MACROD2: variants seen among roughly 807,000 people sequenced by gnomAD.
The protein encoded by MACROD2 is ADP-ribose glycohydrolase MACROD2.
A neutral mutation model predicts 70.4 loss-of-function variants in MACROD2; 36 were observed. That is an observed-to-expected ratio of 0.51 (90% CI 0.39 to 0.68). The LOEUF (loss-of-function observed/expected upper bound fraction) is 0.68, where lower values mean the gene tolerates loss of function less well. Ranked by LOEUF, MACROD2 falls within the 30% of genes least tolerant of loss-of-function variation. The probability of loss-of-function intolerance (pLI) is 0.00; values close to 1 mark genes in which losing one functional copy is unlikely to be tolerated. For missense variants in MACROD2, 496 were observed against 538.4 expected, an observed-to-expected ratio of 0.92 and a Z score of 0.78; for synonymous variants, 172 against 178.8, an observed-to-expected ratio of 0.96 and a Z score of 0.30.
intron 8 of MACROD2, among the ~76,000 whole-genome samples, chr20:15,720,804 A>AT (rs1267403420): frequency 6.6e-6 from 1 of 152,216 alleles, no homozygotes; most frequent in Non-Finnish European, 1.5e-5. Flanking sequence ...TGATTAAGAC[A>AT]TATAAAGCCA....
chr20:15,163,479 C>G (rs907701141), intron 5 of MACROD2, among the ~76,000 whole-genome samples: 1 of 151,926 alleles, frequency 6.6e-6, no homozygotes, highest in Non-Finnish European at 1.5e-5. Context: ...AAATCTAATA[C>G]AACAAATTAG....
At chr20:14,251,578 C>T (rs2082012692) in intron 3 of MACROD2, among the ~76,000 whole-genome samples, 2 of 152,010 alleles carry the variant, frequency 1.3e-5, no homozygotes, top group Non-Finnish European at 2.9e-5. Flanking sequence ...AGCGAAAACT[C>T]ATTAAGGATT....
chr20:14,468,495 G>A (rs1201603784), intron 3 of MACROD2, among the ~76,000 whole-genome samples: 1 of 107,142 alleles, frequency 9.3e-6, no homozygotes, highest in South Asian at 3.2e-4. Context: ...CCTTTATTTT[G>A]AGCCTCTGTG....
intron 2 of MACROD2, among the ~76,000 whole-genome samples, chr20:14,042,746 C>A (rs373094552): frequency 6.6e-6 from 1 of 152,022 alleles, no homozygotes; most frequent in African/African-American, 2.4e-5. Flanking sequence ...GTGATCTGCC[C>A]GCCTTGGCCT....
At chr20:14,051,689 GA>G (rs936759958) in intron 2 of MACROD2, 1 of 347,768 alleles carries the variant, frequency 2.9e-6, no homozygotes, top group Non-Finnish European at 5.6e-6. Context: ...ATGGTAAAGA[GA>G]AAAAACAAAG....
intron 8 of MACROD2, among the ~76,000 whole-genome samples, chr20:15,850,526 A>T (rs763220097): frequency 7.2e-5 from 11 of 152,352 alleles, no homozygotes; most frequent in Non-Finnish European, 1.3e-4. Context: ...GGGCCCGCTT[A>T]TCTTTTATGG....
At chr20:15,536,968 C>G (rs189663615) in intron 8 of MACROD2, among the ~76,000 whole-genome samples, 1 of 152,232 alleles carries the variant, frequency 6.6e-6, no homozygotes, top group East Asian at 1.9e-4. Flanking sequence ...ACCCCTTGCC[C>G]TCTGAGTTCT....
chr20:15,422,617 T>C (rs2046245010), intron 6 of MACROD2, among the ~76,000 whole-genome samples: 1 of 152,184 alleles, frequency 6.6e-6, no homozygotes, highest in Non-Finnish European at 1.5e-5. Context: ...GCTCAGCACA[T>C]TTCGGTAATT....
At chr20:14,520,412 A>T (rs1217700945) in intron 4 of MACROD2, among the ~76,000 whole-genome samples, 1 of 152,044 alleles carries the variant, frequency 6.6e-6, no homozygotes, top group Non-Finnish European at 1.5e-5. Context: ...TTTGATGCTT[A>T]TCCTTGAGTA....
chr20:14,830,675 G>A (rs2072954285), intron 5 of MACROD2, among the ~76,000 whole-genome samples: 1 of 152,134 alleles, frequency 6.6e-6, no homozygotes, highest in South Asian at 2.1e-4. Flanking sequence ...ACTGAAACAA[G>A]GGTGCGGTTA....
At chr20:15,045,159 A>G (rs1438342882) in intron 5 of MACROD2, among the ~76,000 whole-genome samples, 3 of 152,172 alleles carry the variant, frequency 2.0e-5, no homozygotes, top group Non-Finnish European at 4.4e-5. Context: ...AGAAATGGGG[A>G]TGAATTGTCT....
intron 5 of MACROD2, among the ~76,000 whole-genome samples, chr20:15,223,932 C>G (rs77956156): frequency 0.091 from 13,786 of 152,200 alleles, 798 homozygotes; most frequent in Non-Finnish European, 0.14. Flanking sequence ...AACATGGCGT[C>G]CACCTGCTGG....
chr20:15,744,811 T>C (rs1014288115), intron 8 of MACROD2, among the ~76,000 whole-genome samples: 2 of 152,126 alleles, frequency 1.3e-5, no homozygotes, highest in Non-Finnish European at 2.9e-5. Context: ...GGTTTGTGTC[T>C]CTTTGCAACT....
chr20:15,852,881 C>T (rs2064315680), intron 8 of MACROD2, among the ~76,000 whole-genome samples: 1 of 152,164 alleles, frequency 6.6e-6, no homozygotes, highest in Non-Finnish European at 1.5e-5. Flanking sequence ...TGGTGTGGCA[C>T]ACACCTGTAG....
intron 3 of MACROD2, among the ~76,000 whole-genome samples, chr20:14,480,780 GTATGGTAAA>G (rs2084654347): frequency 6.6e-6 from 1 of 152,016 alleles, no homozygotes; most frequent in South Asian, 2.1e-4. Flanking sequence ...AGTGTGTCTT[GTATGGTAAA>G]TAATTAAACT....
At chr20:15,314,311 A>T (rs2077785661) in intron 6 of MACROD2, among the ~76,000 whole-genome samples, 1 of 152,082 alleles carries the variant, frequency 6.6e-6, no homozygotes, top group Admixed American at 6.6e-5. Context: ...AAATGAGCGG[A>T]CAGGCACAGT....
chr20:15,040,809 G>C (rs900301375), intron 5 of MACROD2, among the ~76,000 whole-genome samples: 1 of 152,152 alleles, frequency 6.6e-6, no homozygotes, highest in African/African-American at 2.4e-5. Flanking sequence ...TGTAATATTT[G>C]TAATATATTT....
intron 5 of MACROD2, among the ~76,000 whole-genome samples, chr20:15,071,731 T>C (rs1369484616): frequency 6.6e-6 from 1 of 152,188 alleles, no homozygotes; most frequent in African/African-American, 2.4e-5. Flanking sequence ...TAAATTAAAA[T>C]TAGCACCTTA....
At chr20:14,166,578 T>G (rs2055273030) in intron 3 of MACROD2, among the ~76,000 whole-genome samples, 1 of 152,214 alleles carries the variant, frequency 6.6e-6, no homozygotes, top group Non-Finnish European at 1.5e-5. Context: ...TTATGTAATG[T>G]ACATTTCCAC....
Sources: gnomAD v4.1 joint callset for allele counts (sites outside exome capture counted in the v4.1 genomes callset) on GRCh38, gnomAD v4.1.1 for gene constraint, MANE v1.5 for transcripts, NCBI Gene and HGNC (gene_info 2026-07-23, HGNC 2026-07-21) for gene names.